SRRD: variants seen among roughly 807,000 people sequenced by gnomAD.
The protein encoded by SRRD is SRR1 domain containing.
In SRRD, 28 loss-of-function variants were observed where a neutral mutation model predicts 30.7. The ratio of observed to expected loss-of-function variants is 0.91; its 90% CI spans 0.68 to 1.25. SRRD has a LOEUF of 1.25. Ranked by LOEUF, SRRD falls within the 50% of genes most tolerant of loss-of-function variation. The pLI is 0.00. For missense variants in SRRD, 415 were observed against 417.3 expected (o/e 0.99, Z 0.05); for synonymous variants, 161 against 159.6 (o/e 1.01, Z -0.07).
In SRRD at chr22:26,491,239, C is replaced by CT. The variant is rs1408053014; in HGVS notation, c.810+171dup. 5 of 771,716 alleles carry CT rather than the reference C, an allele frequency of 6.5e-6. No individual in the cohort carries two copies. In the East Asian group the frequency reaches 1.3e-4, roughly 20 times the overall value. The allele number at this position is 771,716 out of a possible 1,614,324, so 47.8% of individuals were successfully genotyped here. On this transcript the variant is annotated intron_variant, in intron 6 of 6. Transcript: ENST00000215917. ...AAAGCTATGACTCTTTAATGCATCT[C>CT]TTAGTTTTTTCCTTATTTCCTTTAT...
At position 26,493,867 on chromosome 22, in the gene SRRD, G is replaced by A. The variant is rs555964162; in HGVS notation, c.*2195G>A. ...CACACAGCACAGTGGTTAAGAGGGC[G>A]GGGCCTGGGGTTAGACTGACATCAT... On this transcript the variant is annotated 3_prime_UTR_variant, in exon 7 of 7. Transcript: ENST00000215917. 90 of 424,280 alleles carry A rather than the reference G, an allele frequency of 2.1e-4. 1 individual carries two copies. The highest frequency in any genetic ancestry group is 1.9e-3 in the South Asian group (83 of 43,706). 26.3% of individuals were successfully genotyped at this position (424,280 alleles called of 1,614,324 possible). A position where few individuals can be genotyped will look rare whatever the true frequency, so the allele number is the denominator to read the frequency against.
intron 4 of SRRD, among the ~76,000 whole-genome samples, chr22:26,488,953 G>T (rs1245655923): frequency 2.6e-5 from 4 of 152,140 alleles, no homozygotes; most frequent in Non-Finnish European, 2.9e-5. Context: ...GCCCATGTTT[G>T]CACCCCCCAA....
rs867299443 is a variant in SRRD at position 26,488,015 on chromosome 22, G to T, written c.251-14G>T. 3.1e-6 allele frequency: 5 copies of T among 1,598,274 alleles called. No individual in the cohort carries two copies. The East Asian group carries it at 8.9e-5, about 29-fold the overall frequency. On this transcript the variant is annotated splice_polypyrimidine_tract_variant and intron_variant, in intron 2 of 6. Coordinates refer to ENST00000215917, the MANE Select transcript of SRRD (RefSeq NM_001013694.3). The stretch of plus-strand genomic sequence containing the variant: ...ACATGCCCTCTAACTGCATTTGGGG[G>T]CCTGCTCTTTCAGAAACCATCAATA...
rs369492780 is a variant in SRRD at position 26,486,001 on chromosome 22, G to A, written c.210-22G>A. The stretch of plus-strand genomic sequence containing the variant: ...GCCCTGAGATGGGTGGGACATGACT[G>A]TGCCATTTTTTTTCTCAACAGGAAG... On this transcript the variant is annotated intron_variant, in intron 1 of 6. Transcript: ENST00000215917. 231 of 1,614,162 alleles carry A rather than the reference G, an allele frequency of 1.4e-4. 3 individuals carry two copies. The South Asian group carries it at 2.4e-3, about 17-fold the overall frequency.
intron 1 of SRRD, among the ~76,000 whole-genome samples, chr22:26,485,524 G>A (rs1033356830): frequency 1.3e-5 from 2 of 152,178 alleles, no homozygotes; most frequent in Admixed American, 6.5e-5. Flanking sequence ...ACTTGGTTTT[G>A]TCTCTTTACT....
chr22:26,492,186 C>A lies in SRRD; in HGVS notation c.*514C>A. The A allele has an allele frequency of 6.2e-7, 1 of 1,614,212 alleles. No homozygotes were observed. The highest frequency in any genetic ancestry group is 8.5e-7 in the Non-Finnish European group (1 of 1,180,044). Reference sequence around the variant, plus strand: ...ATGAAGACAATGTTGTGCTCCTCAGCCTTGGTCTCAATGAGGTCCTTAAAG... The same window carrying A: ...ATGAAGACAATGTTGTGCTCCTCAGACTTGGTCTCAATGAGGTCCTTAAAG... On this transcript the variant is annotated 3_prime_UTR_variant, in exon 7 of 7. Coordinates refer to ENST00000215917, the MANE Select transcript of SRRD (RefSeq NM_001013694.3).
rs774022075 is a variant in SRRD, at chr22:26,491,508, T to C, written c.856T>C (p.Tyr286His). 14 of 1,613,962 alleles carry C rather than the reference T, an allele frequency of 8.7e-6. No individual in the cohort carries two copies. The highest frequency in any genetic ancestry group is 1.3e-5 in the African/African-American group (1 of 74,922). ...EELEFPQTSQYMDIFNDTSVH... is the reference protein window; with the variant it reads ...EELEFPQTSQHMDIFNDTSVH... Reference sequence around the variant, plus strand: ...GCTTGAGTTTCCTCAGACTTCACAATACATGGACATATTTAATGATACCTC... The same window carrying C: ...GCTTGAGTTTCCTCAGACTTCACAACACATGGACATATTTAATGATACCTC... Residue 286 changes from tyrosine to histidine, a missense_variant, in exon 7 of 7, where the codon TAC becomes CAC. Tyr to His is a moderately conservative substitution (Grantham distance 83). Coordinates refer to ENST00000215917, the MANE Select transcript of SRRD (RefSeq NM_001013694.3).
intron 5 of SRRD, among the ~76,000 whole-genome samples, chr22:26,490,558 G>GTTTTTTTTTTTTTTTTTTTTTTT (rs1491237870): frequency 7.8e-5 from 2 of 25,706 alleles, no homozygotes; most frequent in Admixed American, 4.8e-4. Context: ...TGGAATATTT[G>GTTTTTTTTTTTTTTTTTTTTTTT]CTTTTTTTTT....
intron 5 of SRRD, 90 bp from the exon 6 acceptor site, chr22:26,490,935 C>A: frequency 8.4e-7 from 1 of 1,195,584 alleles, no homozygotes; most frequent in Non-Finnish European, 1.2e-6. Context: ...TCTTGCCCTT[C>A]TATGTGTCTT....
rs1921239719 is a variant in SRRD, at chr22:26,491,924, C to T, written c.*252C>T. On this transcript the variant is annotated 3_prime_UTR_variant, in exon 7 of 7. Transcript: ENST00000215917. ...GAGTAGCTCCTGAGTAAAGAAGTTA[C>T]CCTTTTGAAGGTGATCTAAAAATAC... 7.6e-7 allele frequency: 1 copy of T among 1,314,956 alleles called. No homozygotes were observed. The highest frequency in any genetic ancestry group is 1.4e-5 in the South Asian group (1 of 69,720). The allele number at this position is 1,314,956 out of a possible 1,614,324, so 81.5% of individuals were successfully genotyped here. A position where few individuals can be genotyped will look rare whatever the true frequency, so the allele number is the denominator to read the frequency against.
chr22:26,485,907 GCCCTGCATTGCAGGGCAC>G, intron 1 of SRRD, 98 bp from the exon 2 acceptor site: 3 of 1,186,970 alleles, frequency 2.5e-6, no homozygotes, highest in Non-Finnish European at 3.7e-6. Flanking sequence ...GTAAGGGTGG[GCCCTGCATTGCAGGGCAC>G]CTCATTCTGT....
chr22:26,487,897 C>T (rs1019575878), intron 2 of SRRD, 132 bp from the exon 3 acceptor site: 2 of 980,134 alleles, frequency 2.0e-6, no homozygotes, highest in Non-Finnish European at 2.9e-6. Context: ...GCTTCTCTCT[C>T]TCTCTGAAGA....
At position 26,485,978 on chromosome 22, in the gene SRRD, C is replaced by A. The variant is rs752535830; in HGVS notation, c.210-45C>A. 22 of 1,613,116 alleles carry A rather than the reference C, an allele frequency of 1.4e-5. No homozygotes were observed. The East Asian group carries it at 4.2e-4, about 31-fold the overall frequency. The stretch of plus-strand genomic sequence containing the variant: ...TCAGGAAAGTTACTGTTGGGGCAGC[C>A]CTGAGATGGGTGGGACATGACTGTG... On this transcript the variant is annotated intron_variant, in intron 1 of 6. Coordinates refer to ENST00000215917, the MANE Select transcript of SRRD (RefSeq NM_001013694.3).
chr22:26,490,093 A>G lies in SRRD; in HGVS notation c.659A>G (p.His220Arg), dbSNP rs1036942516. The change falls in exon 5 of 7, where the codon CAT (histidine) becomes CGT (arginine). Residue 220 changes from histidine to arginine, a missense_variant. His to Arg is a conservative substitution (Grantham distance 29). Coordinates refer to ENST00000215917, the MANE Select transcript of SRRD (RefSeq NM_001013694.3). ...RGEPTIFYML[H>R]CGTALYNNLL... is the part of the protein sequence containing the mutation. ...GAGCCTACCATCTTTTACATGCTCC[A>G]TTGTGGGACGGCCTTGTACAACAAT... 2 of 1,613,990 alleles carry G rather than the reference A, an allele frequency of 1.2e-6. No homozygotes were observed. Among genetic ancestry groups the G allele is most frequent in the South Asian group, 1.1e-5 (1 of 91,092 alleles).
intron 1 of SRRD, among the ~76,000 whole-genome samples, chr22:26,484,518 A>G (rs2091650790): frequency 2.0e-5 from 3 of 152,238 alleles, no homozygotes; most frequent in Admixed American, 2.0e-4. Context: ...GGGAAGCAAC[A>G]TGAACACGTG....
chr22:26,492,750 T>C lies in SRRD; in HGVS notation c.*1078T>C, dbSNP rs757528884. ...GGCAGCTTTTAGTACCTTGAAAACA[T>C]AGGGCCCATACTGGCTTTATTTTTA... On this transcript the variant is annotated 3_prime_UTR_variant, in exon 7 of 7. Coordinates refer to ENST00000215917, the MANE Select transcript of SRRD (RefSeq NM_001013694.3). 1.4e-5 allele frequency: 3 copies of C among 216,124 alleles called. No individual in the cohort carries two copies. Among genetic ancestry groups the C allele is most frequent in the Admixed American group, 1.0e-4 (2 of 19,274 alleles). The allele number at this position is 216,124 out of a possible 1,614,324, so 13.4% of individuals were successfully genotyped here. A position where few individuals can be genotyped will look rare whatever the true frequency, so the allele number is the denominator to read the frequency against.
At position 26,491,804 on chromosome 22, in the gene SRRD, G is replaced by A. The variant is rs1921221050; in HGVS notation, c.*132G>A. 7 of 970,604 alleles carry A rather than the reference G, an allele frequency of 7.2e-6. No individual in the cohort carries two copies. The South Asian group carries it at 1.0e-4, about 14-fold the overall frequency. 60.1% of individuals were successfully genotyped at this position (970,604 alleles called of 1,614,324 possible). A position where few individuals can be genotyped will look rare whatever the true frequency, so the allele number is the denominator to read the frequency against. ...CATCAACTTGGCTGTCCTGTTTTGA[G>A]GACGATACCCCACATGAGGACTTGG... On this transcript the variant is annotated 3_prime_UTR_variant, in exon 7 of 7. Coordinates refer to ENST00000215917, the MANE Select transcript of SRRD (RefSeq NM_001013694.3).
chr22:26,494,186 A>G lies in SRRD; in HGVS notation c.*2514A>G. Reference sequence around the variant, plus strand: ...GTTCATGATATCAAGTGCCTCATTAAATTTGTCCTTGACAGATGGATGTGC... The same window carrying G: ...GTTCATGATATCAAGTGCCTCATTAGATTTGTCCTTGACAGATGGATGTGC... On this transcript the variant is annotated 3_prime_UTR_variant, in exon 7 of 7. Transcript: ENST00000215917. 6.2e-7 allele frequency: 1 copy of G among 1,614,170 alleles called. No individual in the cohort carries two copies. The highest frequency in any genetic ancestry group is 8.5e-7 in the Non-Finnish European group (1 of 1,180,030).
At position 26,488,209 on chromosome 22, in the gene SRRD, A is replaced by T. The variant is rs1042244392; in HGVS notation, c.431A>T (p.Tyr144Phe). 1 of 1,614,212 alleles carries T rather than the reference A, an allele frequency of 6.2e-7. No individual in the cohort carries two copies. Among genetic ancestry groups the T allele is most frequent in the Non-Finnish European group, 8.5e-7 (1 of 1,180,026 alleles). Residue 144 changes from tyrosine (Y) to phenylalanine (F), a missense_variant, in exon 3 of 7, where the codon TAC becomes TTC. Physicochemically the swap from Tyr to Phe is conservative, Grantham distance 22. Transcript: ENST00000215917. ...ACCTGCCATTTGAAGTGTGTGTGTTACGGCATTGGGAACTTTGCCACCTGC... is the reference window on the plus strand; with the variant it reads ...ACCTGCCATTTGAAGTGTGTGTGTTTCGGCATTGGGAACTTTGCCACCTGC... ...TGTCHLKCVC[Y>F]GIGNFATCIV...
Sources: gnomAD v4.1 joint callset for allele counts (sites outside exome capture counted in the v4.1 genomes callset) on GRCh38, gnomAD v4.1.1 for gene constraint, MANE v1.5 for transcripts, NCBI Gene and HGNC (gene_info 2026-07-23, HGNC 2026-07-21) for gene names.